The following LRIG2 variants were observed in gnomAD, a reference collection of about 807,000 sequenced individuals.
The protein encoded by LRIG2 is leucine rich repeats and immunoglobulin like domains 2.
LRIG2 carries 93 observed loss-of-function variants against 107.8 expected under a neutral mutation model. That is an observed-to-expected ratio of 0.86 (90% CI 0.73 to 1.03). The LOEUF is 1.03. LRIG2 is among the 50% of genes least tolerant of loss of function. The pLI is 0.00. For missense variants in LRIG2, 1,226 were observed against 1,296.0 expected, an observed-to-expected ratio of 0.95 and a Z score of 0.83; for synonymous variants, 471 against 470.6, an observed-to-expected ratio of 1.00 and a Z score of -0.01.
chr1:113,079,826 G>A (rs1362689865), intron 1 of LRIG2, among the ~76,000 whole-genome samples: 2 of 125,178 alleles, frequency 1.6e-5, no homozygotes, highest in African/African-American at 6.2e-5. Context: ...ACTGCCACCC[G>A]AGTTCAAGCG....
At chr1:113,122,256 G>A (rs975545963) in intron 17 of LRIG2, among the ~76,000 whole-genome samples, 2 of 151,430 alleles carry the variant, frequency 1.3e-5, no homozygotes, top group African/African-American at 4.8e-5. Context: ...CTAATTTTTT[G>A]TATTTTTTTT....
At chr1:113,107,252 C>T (rs1425982425) in intron 11 of LRIG2, among the ~76,000 whole-genome samples, 1 of 152,106 alleles carries the variant, frequency 6.6e-6, no homozygotes, top group Non-Finnish European at 1.5e-5. Flanking sequence ...GTAATATTAA[C>T]TAATACAGAG....
intron 11 of LRIG2, among the ~76,000 whole-genome samples, chr1:113,105,865 C>T (rs1010111350): frequency 6.6e-6 from 1 of 152,168 alleles, no homozygotes; most frequent in Non-Finnish European, 1.5e-5. Context: ...TTTGCCAGTG[C>T]CCCTCTTGTT....
intron 1 of LRIG2, among the ~76,000 whole-genome samples, chr1:113,081,872 C>G (rs1012017106): frequency 1.2e-4 from 18 of 152,332 alleles, no homozygotes; most frequent in African/African-American, 4.3e-4. Flanking sequence ...ATGGATGTCT[C>G]TCACATAATC....
intron 15 of LRIG2, among the ~76,000 whole-genome samples, chr1:113,115,529 AT>A (rs56081345): frequency 0.78 from 110,411 of 141,380 alleles, 43,351 homozygotes; most frequent in East Asian, 0.93. Context: ...GAATTTGTAA[AT>A]TTTTTTTTTT....
rs1235495384 is a variant in LRIG2 at position 113,112,612 on chromosome 1, T to C, written c.1932T>C (p.Pro644=). 5.0e-6 allele frequency: 8 copies of C among 1,614,216 alleles called. No homozygotes were observed. The highest frequency in any genetic ancestry group is 6.8e-6 in the Non-Finnish European group (8 of 1,180,038). ...AGAAAGATGGTGGTACTGACTTTCC[T>C]GCGGCTCGAGAAAGACGCATGCACG... ...SWQKDGGTDF[P]AARERRMHVM... Residue 644 remains proline, a synonymous_variant, in exon 14 of 18, where the codon CCT becomes CCC. Transcript: ENST00000361127.
In LRIG2 at chr1:113,114,829, T is replaced by C; in HGVS notation, c.2483T>C (p.Ile828Thr). ...VGTSLIWVIV[I>T]YHMRRKNEDY... ...ACTTCTTTGATCTGGGTCATTGTTA[T>C]TTACCACATGAGAAGGAAAAATGAA... The change falls in exon 15 of 18, where the codon ATT (isoleucine) becomes ACT (threonine). Residue 828 changes from isoleucine to threonine, a missense_variant. By Grantham distance (89) the Ile-to-Thr change is moderately conservative. Coordinates refer to ENST00000361127, the MANE Select transcript of LRIG2 (RefSeq NM_014813.3). The C allele has an allele frequency of 6.2e-7, 1 of 1,613,740 alleles. No individual in the cohort carries two copies. The highest frequency in any genetic ancestry group is 8.5e-7 in the Non-Finnish European group (1 of 1,179,994).
chr1:113,123,723 G>GTTTTTTT lies in LRIG2; in HGVS notation c.2972-147_2972-146insTTTTTTT, dbSNP rs139220276. 371 of 551,722 alleles carry GTTTTTTT rather than the reference G, an allele frequency of 6.7e-4. 4 individuals carry two copies. In the African/African-American group the frequency reaches 6.8e-3, roughly 10 times the overall value. The allele number at this position is 551,722 out of a possible 1,614,324, so 34.2% of individuals were successfully genotyped here. A position where few individuals can be genotyped will look rare whatever the true frequency, so the allele number is the denominator to read the frequency against. On this transcript the variant is annotated intron_variant, in intron 17 of 17. Transcript: ENST00000361127. ...TTTGAAAGACCATGTTCTGGTGGTG[G>GTTTTTTT]TTTTTGTGTGTGTGTGTGTGTGTGT...
chr1:113,119,935 A>C (rs1443700683), intron 17 of LRIG2, among the ~76,000 whole-genome samples: 1 of 151,918 alleles, frequency 6.6e-6, no homozygotes, highest in East Asian at 2.0e-4. Context: ...TCAGCCTCCC[A>C]AGAAGCTGGG....
At chr1:113,073,915 G>T (rs912151915) in intron 1 of LRIG2, among the ~76,000 whole-genome samples, 1 of 148,366 alleles carries the variant, frequency 6.7e-6, no homozygotes, top group Non-Finnish European at 1.5e-5. Context: ...AGGAAATGGG[G>T]CGGGCATATT....
rs148456868 is a variant in LRIG2 at position 113,128,236 on chromosome 1, T to C, written c.*4135T>C. The C allele has an allele frequency of 9.2e-5, 14 of 151,528 alleles. No homozygotes were observed. The highest frequency in any genetic ancestry group is 3.2e-4 in the African/African-American group (13 of 40,878). 9.4% of individuals were successfully genotyped at this position (151,528 alleles called of 1,614,324 possible). A position where few individuals can be genotyped will look rare whatever the true frequency, so the allele number is the denominator to read the frequency against. On this transcript the variant is annotated 3_prime_UTR_variant, in exon 18 of 18. Transcript: ENST00000361127. Reference sequence around the variant, plus strand: ...GCCACACCTTTTTATGTCTTTACTATGTCAGCCTCTGATCATTTTCACTTT... The same window carrying C: ...GCCACACCTTTTTATGTCTTTACTACGTCAGCCTCTGATCATTTTCACTTT...
chr1:113,118,768 C>T (rs892488366), intron 16 of LRIG2, among the ~76,000 whole-genome samples: 2 of 151,934 alleles, frequency 1.3e-5, no homozygotes, highest in African/African-American at 4.8e-5. Flanking sequence ...GGGTTCACGC[C>T]ATCTTCCTGC....
chr1:113,091,469 A>G (rs559703637), intron 2 of LRIG2, 86 bp downstream of exon 2: 67 of 793,270 alleles, frequency 8.4e-5, no homozygotes, highest in South Asian at 7.3e-4. Context: ...TAATCCAGAG[A>G]TGCCATAAAA....
At chr1:113,096,488 T>A in intron 8 of LRIG2, 123 bp downstream of exon 8, 2 of 1,027,556 alleles carry the variant, frequency 1.9e-6, no homozygotes, top group Non-Finnish European at 2.9e-6. Context: ...GGTTCTTCTG[T>A]CCTATGCCTC....
intron 7 of LRIG2, 79 bp downstream of exon 7, chr1:113,096,096 G>A (rs921809234): frequency 3.3e-5 from 52 of 1,593,884 alleles, no homozygotes; most frequent in South Asian, 1.7e-4. Context: ...GGGCAGTAAT[G>A]AGATGTAACA....
At position 113,130,940 on chromosome 1, in the gene LRIG2, T is replaced by G. The variant is rs1272299584; in HGVS notation, c.*6839T>G. The G allele has an allele frequency of 8.3e-6, 1 of 120,230 alleles. No individual in the cohort carries two copies. The highest frequency in any genetic ancestry group is 2.5e-4 in the East Asian group (1 of 4,036). 7.4% of individuals were successfully genotyped at this position (120,230 alleles called of 1,614,324 possible). The stretch of plus-strand genomic sequence containing the variant: ...AAAACTCTTTTTTACTCGATTACTT[T>G]TATTTTTTTAAGACACAGTCTCGCT... On this transcript the variant is annotated 3_prime_UTR_variant, in exon 18 of 18. Transcript: ENST00000361127.
intron 16 of LRIG2, among the ~76,000 whole-genome samples, chr1:113,118,695 C>T (rs1205522119): frequency 6.6e-6 from 1 of 151,342 alleles, no homozygotes; most frequent in Non-Finnish European, 1.5e-5. Context: ...GACAGAGTCT[C>T]GCTGTGTCGC....
chr1:113,106,418 T>C (rs969888684), intron 11 of LRIG2, among the ~76,000 whole-genome samples: 2 of 152,202 alleles, frequency 1.3e-5, no homozygotes, highest in East Asian at 1.9e-4. Flanking sequence ...TTTTCAGATA[T>C]GTTTTACAGG....
rs1168303030 is a variant in LRIG2 at position 113,090,997 on chromosome 1, G to A, written c.240-321G>A. Among the ~76,000 whole-genome samples, 3 of 151,466 alleles carry A rather than the reference G, an allele frequency of 2.0e-5. No individual in the cohort carries two copies. The South Asian group carries it at 6.3e-4, about 32-fold the overall frequency. ...CTCCTGAGTAGCTGGGATTACAGGC[G>A]TGTGCCACCACACCTGGATGATATT... On this transcript the variant is annotated intron_variant, in intron 1 of 17. Coordinates refer to ENST00000361127, the MANE Select transcript of LRIG2 (RefSeq NM_014813.3).
Sources: allele counts gnomAD v4.1 joint callset (sites outside exome capture counted in the v4.1 genomes callset), GRCh38; gene constraint gnomAD v4.1.1; transcripts MANE v1.5; gene names NCBI Gene and HGNC (gene_info 2026-07-23, HGNC 2026-07-21).